TPH2: variants seen among roughly 807,000 people sequenced by gnomAD.
TPH2 encodes the protein tryptophan hydroxylase 2.
Under a neutral mutation model 59.1 loss-of-function variants are expected in TPH2, and 27 were observed. That is an observed-to-expected ratio of 0.46 (90% CI 0.34 to 0.63). The LOEUF is 0.63. TPH2 is among the 30% of genes least tolerant of loss of function. The probability of loss-of-function intolerance (pLI) is 0.01; values close to 1 mark genes in which losing one functional copy is unlikely to be tolerated. For synonymous variants in TPH2, 220 were observed against 210.5 expected, an observed-to-expected ratio of 1.05 and a Z score of -0.39; for missense variants, 523 against 588.3, an observed-to-expected ratio of 0.89 and a Z score of 1.15.
intron 8 of TPH2, among the ~76,000 whole-genome samples, chr12:72,005,216 G>A (rs1197486666): frequency 6.6e-6 from 1 of 151,964 alleles, no homozygotes; most frequent in Non-Finnish European, 1.5e-5. Context: ...TTGTGAGGGG[G>A]GTGCTCATCA....
chr12:71,972,949 G>GT (rs1473804475), intron 6 of TPH2, among the ~76,000 whole-genome samples: 3 of 152,186 alleles, frequency 2.0e-5, no homozygotes, highest in Admixed American at 6.5e-5. Flanking sequence ...GTTGTAAATG[G>GT]TAAGGCCCAA....
At chr12:71,942,195 A>G (rs1438126051) in intron 2 of TPH2, among the ~76,000 whole-genome samples, 1 of 152,184 alleles carries the variant, frequency 6.6e-6, no homozygotes, top group Non-Finnish European at 1.5e-5. Flanking sequence ...ATGTGTCTTA[A>G]TGTATCTTTT....
rs760839526 is a variant in TPH2 at position 71,994,455 on chromosome 12, C to T, written c.958C>T (p.Leu320Phe). 1.9e-6 allele frequency: 3 copies of T among 1,613,936 alleles called. No individual in the cohort carries two copies. The highest frequency in any genetic ancestry group is 2.5e-6 in the Non-Finnish European group (3 of 1,179,824). ...TTTTGTCAGAGACACATGCCATGAA[C>T]TCTTGGGACATGTTCCACTACTTGC... is the stretch of plus-strand genomic sequence containing the variant. Reference protein sequence around the residue: ...YTPEPDTCHELLGHVPLLADP... With the variant: ...YTPEPDTCHEFLGHVPLLADP... The change falls in exon 8 of 11, where the codon CTC becomes TTC. Residue 320 changes from leucine (L) to phenylalanine (F), a missense_variant. Transcript: ENST00000333850.
chr12:71,972,892 C>T (rs1340724510), intron 6 of TPH2, among the ~76,000 whole-genome samples, 177 bp downstream of exon 6: 1 of 152,162 alleles, frequency 6.6e-6, no homozygotes, highest in Non-Finnish European at 1.5e-5. Flanking sequence ...AGGGACTCAG[C>T]TGCTTTTGCA....
chr12:71,946,981 T>G (rs1045106260), intron 4 of TPH2, among the ~76,000 whole-genome samples: 1 of 152,146 alleles, frequency 6.6e-6, no homozygotes, highest in Non-Finnish European at 1.5e-5. Flanking sequence ...GCATCTAGAC[T>G]GGGAAGGTCT....
intron 6 of TPH2, among the ~76,000 whole-genome samples, 172 bp downstream of exon 6, chr12:71,972,887 C>T (rs974088135): frequency 3.9e-5 from 6 of 152,182 alleles, no homozygotes; most frequent in Non-Finnish European, 8.8e-5. Context: ...GAGCAAGGGA[C>T]TCAGCTGCTT....
In TPH2 at chr12:71,996,702, G is replaced by T. The variant is rs376358821; in HGVS notation, c.1068+2137G>T. Among the ~76,000 whole-genome samples, 5 of 152,242 alleles carry T rather than the reference G, an allele frequency of 3.3e-5. No individual in the cohort carries two copies. In the South Asian group the frequency reaches 1.0e-3, roughly 32 times the overall value. On this transcript the variant is annotated intron_variant, in intron 8 of 10. Coordinates refer to ENST00000333850, the MANE Select transcript of TPH2 (RefSeq NM_173353.4). ...TGTGCATGTGTGCATGTGAACATGG[G>T]CATCTAAATAGAGGAGAAGAAGAAA... is the stretch of plus-strand genomic sequence containing the variant.
chr12:71,944,692 T>A lies in TPH2; in HGVS notation c.540+6T>A. The A allele has an allele frequency of 6.2e-7, 1 of 1,612,992 alleles. No individual in the cohort carries two copies. Among genetic ancestry groups the A allele is most frequent in the Non-Finnish European group, 8.5e-7 (1 of 1,179,064 alleles). On this transcript the variant is annotated splice_donor_region_variant and intron_variant, in intron 4 of 10. Transcript: ENST00000333850. ...AGCTTGATGCTGACCACCCAGTAAG[T>A]GTCCAGTAAAATCTATTTCTCACAT...
chr12:71,955,518 A>G (rs541511102), intron 5 of TPH2, among the ~76,000 whole-genome samples: 1 of 152,294 alleles, frequency 6.6e-6, no homozygotes, highest in South Asian at 2.1e-4. Context: ...TCGGAGCTGC[A>G]CTGCCTGGGG....
At chr12:71,962,597 A>T (rs1044392785) in intron 5 of TPH2, 16 of 985,184 alleles carry the variant, frequency 1.6e-5, no homozygotes, top group African/African-American at 1.7e-5. Context: ...GAAATATATG[A>T]GGCAAGACAA....
intron 8 of TPH2, among the ~76,000 whole-genome samples, chr12:71,996,907 C>G (rs1028485581): frequency 2.0e-4 from 31 of 152,240 alleles, no homozygotes; most frequent in African/African-American, 7.5e-4. Context: ...GTTCTCCTCA[C>G]TTTTTGGAAA....
chr12:71,973,235 G>A (rs1872023515), intron 6 of TPH2, among the ~76,000 whole-genome samples: 2 of 152,288 alleles, frequency 1.3e-5, no homozygotes, highest in Admixed American at 6.5e-5. Flanking sequence ...TTCACAGGAG[G>A]TAAGGCATTC....
chr12:71,976,437 T>C (rs1566135379), intron 6 of TPH2, among the ~76,000 whole-genome samples: 1 of 152,328 alleles, frequency 6.6e-6, no homozygotes, highest in East Asian at 1.9e-4. Context: ...ACAGAAACTT[T>C]TAAAGCAATG....
intron 9 of TPH2, among the ~76,000 whole-genome samples, chr12:72,026,191 G>C (rs1418797809): frequency 6.6e-6 from 1 of 151,628 alleles, no homozygotes; most frequent in Non-Finnish European, 1.5e-5. Flanking sequence ...TATCTTTCAG[G>C]CCAGAGATTA....
chr12:72,000,902 T>G (rs1872805964), intron 8 of TPH2, among the ~76,000 whole-genome samples: 1 of 152,228 alleles, frequency 6.6e-6, no homozygotes, highest in African/African-American at 2.4e-5. Flanking sequence ...TCAGATGAAT[T>G]TAGGAAATAG....
chr12:72,020,043 G>GGA (rs1873367582), intron 8 of TPH2, among the ~76,000 whole-genome samples: 1 of 151,644 alleles, frequency 6.6e-6, no homozygotes, highest in Admixed American at 6.6e-5. Context: ...GTGCTTATTA[G>GGA]GCTCTTGTTA....
intron 5 of TPH2, among the ~76,000 whole-genome samples, chr12:71,950,087 T>C (rs2139184556): frequency 6.6e-6 from 1 of 152,340 alleles, no homozygotes; most frequent in South Asian, 2.1e-4. Flanking sequence ...GACATGTGTT[T>C]GTTTTACATG....
chr12:71,974,977 A>C (rs1217500971), intron 6 of TPH2, among the ~76,000 whole-genome samples: 3 of 152,152 alleles, frequency 2.0e-5, no homozygotes, highest in Admixed American at 2.0e-4. Context: ...CAGTTGGTAA[A>C]TATTTTAGGC....
Position 72,013,738 on chromosome 12 carries a change from T to C in TPH2, c.1069-8661T>C, listed in dbSNP as rs146520761. 2.1e-3 allele frequency among the ~76,000 whole-genome samples: 320 copies of C among 152,342 alleles called. 1 individual carries two copies. Among genetic ancestry groups the C allele is most frequent in the Admixed American group, 6.1e-3 (94 of 15,306 alleles). ...GAGAGACCATCTCTTTAGCTACCTT[T>C]GTCATCTCAACTAGAGCTTAGCACA... On this transcript the variant is annotated intron_variant, in intron 8 of 10. Transcript: ENST00000333850.
Sources: allele counts gnomAD v4.1 joint callset (sites outside exome capture counted in the v4.1 genomes callset), GRCh38; gene constraint gnomAD v4.1.1; transcripts MANE v1.5; gene names NCBI Gene and HGNC (gene_info 2026-07-23, HGNC 2026-07-21).